Variants in NRXN1 observed in about 807,000 individuals in gnomAD.
The protein encoded by NRXN1 is neurexin-1.
A neutral mutation model predicts 150.9 loss-of-function variants in NRXN1; 39 were observed. The observed-to-expected ratio is 0.26, with a 90% confidence interval of 0.20 to 0.34. NRXN1 has a LOEUF of 0.34. NRXN1 is among the 10% of genes least tolerant of loss of function. NRXN1 has a pLI of 1.00. For synonymous variants in NRXN1, 924 were observed against 757.0 expected (o/e 1.22, Z -3.62); for missense variants, 1,815 against 1,949.9 (o/e 0.93, Z 1.30).
intron 13 of NRXN1, among the ~76,000 whole-genome samples, chr2:50,498,014 C>A (rs13001103): frequency 6.6e-6 from 1 of 151,316 alleles, no homozygotes; most frequent in Non-Finnish European, 1.5e-5. Context: ...AGAGAGTGAG[C>A]ACATAGTAAA....
intron 2 of NRXN1, among the ~76,000 whole-genome samples, chr2:50,988,410 T>C (rs1437071965): frequency 6.6e-6 from 1 of 151,988 alleles, no homozygotes; most frequent in African/African-American, 2.4e-5. Context: ...TTTACTACTA[T>C]GACAAACTAG....
intron 18 of NRXN1, among the ~76,000 whole-genome samples, chr2:50,167,406 C>G (rs112201014): frequency 8.0e-4 from 121 of 152,198 alleles, no homozygotes; most frequent in Non-Finnish European, 7.6e-4. Context: ...CTGCCTCCCC[C>G]CCGCCTGTTA....
rs752807929 is a variant in NRXN1, at chr2:50,278,618, A to T, written c.3365-41648T>A. 1.5e-4 allele frequency among the ~76,000 whole-genome samples: 23 copies of T among 152,034 alleles called. 1 individual carries two copies. The highest frequency in any genetic ancestry group is 3.3e-4 in the Admixed American group (5 of 15,242). ...CGATTTGTTTTAAGCTGCTTACTAA[A>T]GCATGGTGGAACATATTTTACCTGC... is the stretch of plus-strand genomic sequence containing the variant. On this transcript the variant is annotated intron_variant, in intron 17 of 22. Transcript: ENST00000401669.
intron 2 of NRXN1, among the ~76,000 whole-genome samples, chr2:50,988,455 T>A (rs546927618): frequency 6.6e-6 from 1 of 152,118 alleles, no homozygotes; most frequent in African/African-American, 2.4e-5. Context: ...ATGCCAATTT[T>A]GTTTGGAAAA....
At chr2:50,582,204 C>G (rs993390869) in intron 8 of NRXN1, among the ~76,000 whole-genome samples, 1 of 152,044 alleles carries the variant, frequency 6.6e-6, no homozygotes, top group Non-Finnish European at 1.5e-5. Flanking sequence ...TAATAGATGG[C>G]TAACATCTTT....
At chr2:50,359,276 T>G (rs1448364333) in intron 17 of NRXN1, among the ~76,000 whole-genome samples, 1 of 151,596 alleles carries the variant, frequency 6.6e-6, no homozygotes, top group Admixed American at 6.6e-5. Context: ...TTGACAGAAG[T>G]AGGCTTCAGA....
chr2:49,982,824 A>G (rs931898298), intron 21 of NRXN1, among the ~76,000 whole-genome samples: 13 of 152,112 alleles, frequency 8.5e-5, no homozygotes, highest in African/African-American at 2.9e-4. Context: ...TTTTCATAAC[A>G]TAAGTGACCA....
chr2:49,930,908 G>C lies in NRXN1; in HGVS notation c.4217-8657C>G, dbSNP rs1340754893. ...CACACCTGCAGTCGCAGCACTTTGA[G>C]AGGCTGAAGCCAGGTGTTCAAGACC... On this transcript the variant is annotated intron_variant, in intron 22 of 22. Coordinates refer to ENST00000401669, the MANE Select transcript of NRXN1 (RefSeq NM_001330078.2). Among the ~76,000 whole-genome samples the C allele has an allele frequency of 5.3e-5, 8 of 152,346 alleles. No homozygotes were observed. The East Asian group carries it at 1.5e-3, about 29-fold the overall frequency.
At chr2:50,303,185 C>T (rs1427760091) in intron 17 of NRXN1, among the ~76,000 whole-genome samples, 1 of 152,130 alleles carries the variant, frequency 6.6e-6, no homozygotes, top group Admixed American at 6.5e-5. Flanking sequence ...CAGAACACAT[C>T]CAATTTGTTC....
intron 5 of NRXN1, among the ~76,000 whole-genome samples, chr2:50,882,251 C>T (rs1679553931): frequency 6.6e-6 from 1 of 151,818 alleles, no homozygotes; most frequent in African/African-American, 2.4e-5. Flanking sequence ...TATTTTATCA[C>T]TAACATCACA....
chr2:49,988,614 A>G (rs1374550949), intron 21 of NRXN1, among the ~76,000 whole-genome samples: 1 of 110,268 alleles, frequency 9.1e-6, no homozygotes, highest in African/African-American at 3.0e-5. Context: ...GACACAGTTA[A>G]CTATTAAAAA....
chr2:50,019,947 C>CAAAAAA (rs1161865745), intron 21 of NRXN1, among the ~76,000 whole-genome samples: 1,936 of 43,180 alleles, frequency 0.045, 477 homozygotes, highest in Non-Finnish European at 0.066. Context: ...GACTCCGTCT[C>CAAAAAA]AAAAAAAAAA....
intron 17 of NRXN1, among the ~76,000 whole-genome samples, chr2:50,243,831 T>G (rs2066259901): frequency 6.6e-6 from 1 of 151,790 alleles, no homozygotes; most frequent in South Asian, 2.1e-4. Context: ...GAGATTAGGC[T>G]CTAGCCCAGC....
rs979010801 is a variant in NRXN1 at position 50,050,646 on chromosome 2, G to T, written c.4128+2625C>A. Among the ~76,000 whole-genome samples the T allele has an allele frequency of 5.3e-5, 8 of 151,936 alleles. 1 individual carries two copies. Among genetic ancestry groups the T allele is most frequent in the Admixed American group, 4.6e-4 (7 of 15,216 alleles). Reference sequence around the variant, plus strand: ...GTTTACAGTTTCGAAATTAACATTAGAAATTTATCTCATATTTAAACTTCC... The same window carrying T: ...GTTTACAGTTTCGAAATTAACATTATAAATTTATCTCATATTTAAACTTCC... On this transcript the variant is annotated intron_variant, in intron 21 of 22. Transcript: ENST00000401669.
Position 51,027,798 on chromosome 2 carries a change from G to C in NRXN1, c.476C>G (p.Pro159Arg), listed in dbSNP as rs373070672. Reference sequence around the variant, plus strand: ...GAGCGCCGCGGCGCGCAGTTCCGGGGGCAGCCCCCCGACGAAAAGGCCGCT... The same window carrying C: ...GAGCGCCGCGGCGCGCAGTTCCGGGCGCAGCCCCCCGACGAAAAGGCCGCT... ...VFSGLFVGGL[P>R]PELRAAALKL... The change falls in exon 2 of 23, where the codon CCC becomes CGC. Residue 159 changes from proline to arginine, a missense_variant. By Grantham distance (103) the Pro-to-Arg change is moderately radical (BLOSUM62 -2). Around this residue, in one of 6 missense-constraint regions of NRXN1, gnomAD observed 554 missense variants for 478.8 expected, o/e 1.16. Coordinates refer to ENST00000401669, the MANE Select transcript of NRXN1 (RefSeq NM_001330078.2). 6.2e-7 allele frequency: 1 copy of C among 1,613,092 alleles called. No individual in the cohort carries two copies.
intron 19 of NRXN1, among the ~76,000 whole-genome samples, chr2:50,062,786 T>C (rs998516812): frequency 1.3e-5 from 2 of 152,186 alleles, no homozygotes. Context: ...TTCACTCTTG[T>C]GTAATTTCTC....
chr2:50,150,025 C>CA, intron 18 of NRXN1, among the ~76,000 whole-genome samples: 1 of 151,788 alleles, frequency 6.6e-6, no homozygotes, highest in East Asian at 1.9e-4. Context: ...GACTTGCACT[C>CA]TTTATATTTC....
intron 18 of NRXN1, among the ~76,000 whole-genome samples, chr2:50,216,522 C>T (rs1330414253): frequency 2.0e-5 from 3 of 151,748 alleles, no homozygotes; most frequent in Non-Finnish European, 4.4e-5. Flanking sequence ...ATTTTCATTA[C>T]ACCAAATGAA....
intron 8 of NRXN1, among the ~76,000 whole-genome samples, chr2:50,601,731 A>G (rs1219774014): frequency 6.6e-6 from 1 of 152,160 alleles, no homozygotes; most frequent in Non-Finnish European, 1.5e-5. Flanking sequence ...TTTAAAAACC[A>G]TTTCAGTTTA....
Sources: gnomAD v4.1 joint callset for allele counts (sites outside exome capture counted in the v4.1 genomes callset) on GRCh38, gnomAD v4.1.1 for gene constraint, gnomAD v4.1.1 regional missense constraint, MANE v1.5 for transcripts, NCBI Gene and HGNC (gene_info 2026-07-23, HGNC 2026-07-21) for gene names.